PHACTR1: variants seen among roughly 807,000 people sequenced by gnomAD.
The protein encoded by PHACTR1 is phosphatase and actin regulator 1.
Under a neutral mutation model 69.2 loss-of-function variants are expected in PHACTR1, and 16 were observed. The ratio of observed to expected loss-of-function variants is 0.23; its 90% CI spans 0.16 to 0.35. The LOEUF (loss-of-function observed/expected upper bound fraction) is 0.35, where lower values mean the gene tolerates loss of function less well. PHACTR1 is among the 10% of genes least tolerant of loss of function. The probability of loss-of-function intolerance (pLI) is 1.00; values close to 1 mark genes in which losing one functional copy is unlikely to be tolerated. For missense variants in PHACTR1, 510 were observed against 734.7 expected (o/e 0.69, Z 3.54); for synonymous variants, 312 against 284.5 (o/e 1.10, Z -0.97).
At chr6:13,132,358 C>A (rs963007190) in intron 5 of PHACTR1, among the ~76,000 whole-genome samples, 8 of 152,196 alleles carry the variant, frequency 5.3e-5, no homozygotes, top group African/African-American at 1.9e-4. Context: ...AGTCTCTCTT[C>A]TCATCACATG....
At chr6:12,844,485 A>G (rs1047568407) in intron 4 of PHACTR1, among the ~76,000 whole-genome samples, 4 of 152,182 alleles carry the variant, frequency 2.6e-5, no homozygotes, top group Non-Finnish European at 5.9e-5. Context: ...AATATAGGTT[A>G]AGGCACCCAG....
At chr6:13,194,264 G>T (rs185600341) in intron 7 of PHACTR1, among the ~76,000 whole-genome samples, 2 of 152,012 alleles carry the variant, frequency 1.3e-5, no homozygotes, top group Admixed American at 1.3e-4. Context: ...TTAGCTGGGC[G>T]TGGTGGCGCG....
chr6:12,902,524 T>A (rs1373108308), intron 4 of PHACTR1, among the ~76,000 whole-genome samples: 1 of 152,158 alleles, frequency 6.6e-6, no homozygotes, highest in African/African-American at 2.4e-5. Context: ...GGTTCTTCCA[T>A]TGGATGAACA....
intron 5 of PHACTR1, among the ~76,000 whole-genome samples, chr6:13,136,582 G>A (rs112300377): frequency 0.013 from 1,945 of 152,334 alleles, 32 homozygotes; most frequent in Non-Finnish European, 0.019. Flanking sequence ...GCCAACTGGC[G>A]AAAGAAGCCC....
At position 13,218,376 on chromosome 6, in the gene PHACTR1, G is replaced by T. The variant is rs188287776; in HGVS notation, c.987-9440G>T. On this transcript the variant is annotated intron_variant, in intron 8 of 14. Transcript: ENST00000332995. ...TGATTACAAAGCCCCCTTGAAAAGGGAGTGCCTCTTATAATGACCCAGACT... is the reference window on the plus strand; with the variant it reads ...TGATTACAAAGCCCCCTTGAAAAGGTAGTGCCTCTTATAATGACCCAGACT... 3.3e-4 allele frequency among the ~76,000 whole-genome samples: 50 copies of T among 152,304 alleles called. 1 individual carries two copies. Among genetic ancestry groups the T allele is most frequent in the Admixed American group, 2.8e-3 (43 of 15,298 alleles).
At chr6:13,145,290 CA>C (rs992743650) in intron 5 of PHACTR1, among the ~76,000 whole-genome samples, 1 of 152,124 alleles carries the variant, frequency 6.6e-6, no homozygotes, top group Non-Finnish European at 1.5e-5. Context: ...TATATGTATA[CA>C]AGAAGAAAGT....
chr6:12,799,940 CA>C (rs2127675168), intron 4 of PHACTR1, among the ~76,000 whole-genome samples: 1 of 152,282 alleles, frequency 6.6e-6, no homozygotes, highest in African/African-American at 2.4e-5. Context: ...TTTGCAATTA[CA>C]AAAAGTTTTG....
rs1554172498 is a variant in PHACTR1 at position 12,944,777 on chromosome 6, A to ATTTATTTT, written c.251-108585_251-108584insATTTTTTT. On this transcript the variant is annotated intron_variant, in intron 4 of 14. Coordinates refer to ENST00000332995, the MANE Select transcript of PHACTR1 (RefSeq NM_030948.6). ...GAATTATTTATTTATTTATTTATTT[A>ATTTATTTT]TTTTTATTTATTTTTTTTTTTTTGA... Among the ~76,000 whole-genome samples, 128 of 135,740 alleles carry ATTTATTTT rather than the reference A, an allele frequency of 9.4e-4. 1 individual carries two copies. Among genetic ancestry groups the ATTTATTTT allele is most frequent in the African/African-American group, 3.6e-3 (125 of 34,498 alleles). 89.1% of individuals were successfully genotyped at this position (135,740 alleles called of 152,430 possible). A position where few individuals can be genotyped will look rare whatever the true frequency, so the allele number is the denominator to read the frequency against.
chr6:13,037,949 T>C (rs1803563734), intron 4 of PHACTR1, among the ~76,000 whole-genome samples: 1 of 152,144 alleles, frequency 6.6e-6, no homozygotes. Flanking sequence ...GGACAACTCG[T>C]TGGTTTCTCT....
At chr6:13,173,548 A>T (rs1760896574) in intron 6 of PHACTR1, among the ~76,000 whole-genome samples, 1 of 152,248 alleles carries the variant, frequency 6.6e-6, no homozygotes, top group South Asian at 2.1e-4. Flanking sequence ...CCATCGAGGA[A>T]ATCCTTAGAT....
intron 6 of PHACTR1, among the ~76,000 whole-genome samples, chr6:13,171,514 A>G (rs1448303418): frequency 6.6e-6 from 1 of 152,204 alleles, no homozygotes; most frequent in Non-Finnish European, 1.5e-5. Flanking sequence ...GTCCAGTAGA[A>G]CTTTCAACAG....
At chr6:13,277,833 C>T (rs975540414) in intron 11 of PHACTR1, among the ~76,000 whole-genome samples, 6 of 151,916 alleles carry the variant, frequency 3.9e-5, no homozygotes, top group African/African-American at 1.5e-4. Flanking sequence ...ATGTGTAGTC[C>T]TAGCTACTTG....
In PHACTR1 at chr6:12,914,457, C is replaced by T. The variant is rs535296786; in HGVS notation, c.251-138908C>T. 3.3e-4 allele frequency among the ~76,000 whole-genome samples: 50 copies of T among 152,252 alleles called. No homozygotes were observed. The South Asian group carries it at 5.6e-3, about 17-fold the overall frequency. The stretch of plus-strand genomic sequence containing the variant: ...TCGCTTAGCTCTGAAACTGTATGTC[C>T]GCACTTCACTTCAGCTACTATAGAT... On this transcript the variant is annotated intron_variant, in intron 4 of 14. Coordinates refer to ENST00000332995, the MANE Select transcript of PHACTR1 (RefSeq NM_030948.6).
At chr6:12,814,265 T>C (rs568504055) in intron 4 of PHACTR1, among the ~76,000 whole-genome samples, 1 of 152,296 alleles carries the variant, frequency 6.6e-6, no homozygotes, top group African/African-American at 2.4e-5. Context: ...AATCCAAAGA[T>C]CAGGGTTCTC....
intron 4 of PHACTR1, among the ~76,000 whole-genome samples, chr6:12,882,385 G>C (rs1416501907): frequency 6.6e-6 from 1 of 152,084 alleles, no homozygotes; most frequent in African/African-American, 2.4e-5. Flanking sequence ...TTGACTCCCA[G>C]ATCCACATAG....
rs145203760 is a variant in PHACTR1, at chr6:12,795,741, T to G, written c.250+45951T>G. On this transcript the variant is annotated intron_variant, in intron 4 of 14. Transcript: ENST00000332995. ...ACAACATCATGGTTTTTGAGTTGTT[T>G]TTTTTTTTTAATTCTTCCCCTTTTT... Among the ~76,000 whole-genome samples, 615 of 151,204 alleles carry G rather than the reference T, an allele frequency of 4.1e-3. 2 individuals carry two copies. Among genetic ancestry groups the G allele is most frequent in the African/African-American group, 0.014 (594 of 41,220 alleles).
intron 4 of PHACTR1, among the ~76,000 whole-genome samples, chr6:12,955,990 GT>G (rs751262714): frequency 1.9e-4 from 29 of 152,154 alleles, no homozygotes; most frequent in Non-Finnish European, 3.2e-4. Flanking sequence ...TCTGTCTAAT[GT>G]CACATATTTT....
intron 4 of PHACTR1, among the ~76,000 whole-genome samples, chr6:13,037,304 A>G (rs1803455901): frequency 6.6e-6 from 1 of 152,136 alleles, no homozygotes; most frequent in African/African-American, 2.4e-5. Flanking sequence ...CACTACCTAC[A>G]GGCACCCCCC....
At chr6:12,959,201 GAAAAAA>G (rs67449659) in intron 4 of PHACTR1, among the ~76,000 whole-genome samples, 2 of 118,500 alleles carry the variant, frequency 1.7e-5, no homozygotes, top group African/African-American at 3.5e-5. Context: ...AAAAAGAAAA[GAAAAAA>G]AAAAGAAAAG....
Sources: allele counts gnomAD v4.1 joint callset (sites outside exome capture counted in the v4.1 genomes callset), GRCh38; gene constraint gnomAD v4.1.1; transcripts MANE v1.5; gene names NCBI Gene and HGNC (gene_info 2026-07-23, HGNC 2026-07-21).